The following SPRY3 variants were observed in gnomAD, a reference collection of about 807,000 sequenced individuals.
SPRY3 encodes the protein protein sprouty homolog 3.
A neutral mutation model predicts 20.2 loss-of-function variants in SPRY3; 15 were observed. The ratio of observed to expected loss-of-function variants is 0.74; its 90% CI spans 0.50 to 1.14. The LOEUF is 1.14. Among genes scored for constraint, SPRY3 ranks in the 50% most tolerant of loss-of-function variants. SPRY3 has a pLI of 0.00. For synonymous variants in SPRY3, 143 were observed against 136.5 expected (o/e 1.05, Z -0.33); for missense variants, 364 against 363.9 (o/e 1.00, Z 0.00).
chrX:155,631,827 C>T (rs1386862768), intron 1 of SPRY3, among the ~76,000 whole-genome samples: 3 of 110,373 alleles, frequency 2.7e-5, no homozygotes, highest in Admixed American at 9.7e-5. Context: ...TTATGGGGTA[C>T]GTGAGATATC....
At chrX:155,692,395 AT>A (rs2124575306) in intron 2 of SPRY3, among the ~76,000 whole-genome samples, 2 of 111,534 alleles carry the variant, frequency 1.8e-5, no homozygotes, top group African/African-American at 6.5e-5. Context: ...AGTGACCTAT[AT>A]GTCTATGCTT....
chrX:155,663,559 A>T (rs1412897209), intron 2 of SPRY3, among the ~76,000 whole-genome samples: 1 of 111,732 alleles, frequency 8.9e-6, no homozygotes, highest in Non-Finnish European at 1.9e-5. Context: ...AACAATAGAC[A>T]GTTTCTTTAA....
intron 2 of SPRY3, among the ~76,000 whole-genome samples, chrX:155,746,487 A>C (rs2091227197): frequency 6.6e-6 from 1 of 151,994 alleles, no homozygotes; most frequent in East Asian, 1.9e-4. Flanking sequence ...CCCTCAATTA[A>C]ATTTTCTATT....
intron 3 of SPRY3, among the ~76,000 whole-genome samples, chrX:155,771,553 C>CTA (rs2091381640): frequency 6.6e-6 from 1 of 152,170 alleles, no homozygotes; most frequent in Non-Finnish European, 1.5e-5. Flanking sequence ...TTGCAGGGCT[C>CTA]CACATATTCT....
intron 2 of SPRY3, among the ~76,000 whole-genome samples, chrX:155,732,211 T>C (rs1265247662): frequency 6.6e-6 from 1 of 152,094 alleles, no homozygotes; most frequent in Non-Finnish European, 1.5e-5. Context: ...ACAGTTTTTA[T>C]ATTTTATTTT....
intron 2 of SPRY3, among the ~76,000 whole-genome samples, chrX:155,735,535 G>A (rs2091162553): frequency 6.6e-6 from 1 of 151,940 alleles, no homozygotes; most frequent in Non-Finnish European, 1.5e-5. Flanking sequence ...TTTCTTCTTA[G>A]AGAATTGACC....
intron 1 of SPRY3, among the ~76,000 whole-genome samples, chrX:155,622,021 AGGGCCACCTC>A (rs2067872906): frequency 9.4e-6 from 1 of 106,588 alleles, no homozygotes; most frequent in African/African-American, 3.4e-5. Flanking sequence ...TCTGGAGTAT[AGGGCCACCTC>A]CTGTACAGGC....
chrX:155,733,821 T>TG (rs1356244117), intron 2 of SPRY3, among the ~76,000 whole-genome samples: 2 of 152,270 alleles, frequency 1.3e-5, no homozygotes, highest in East Asian at 3.9e-4. Flanking sequence ...CATCAGCACT[T>TG]GCTGCTTCAC....
chrX:155,718,984 G>C (rs1035334993), intron 2 of SPRY3, among the ~76,000 whole-genome samples: 5 of 152,172 alleles, frequency 3.3e-5, no homozygotes, highest in South Asian at 4.2e-4. Context: ...CACAGAAAAA[G>C]CACCTTCATA....
intron 2 of SPRY3, among the ~76,000 whole-genome samples, chrX:155,764,755 T>C (rs954299951): frequency 2.6e-4 from 39 of 152,136 alleles, no homozygotes; most frequent in African/African-American, 8.0e-4. Flanking sequence ...TCTAAACTGG[T>C]CTTTTGAAGA....
chrX:155,749,504 C>G (rs370386100), intron 2 of SPRY3, among the ~76,000 whole-genome samples: 25 of 151,682 alleles, frequency 1.6e-4, no homozygotes, highest in African/African-American at 5.8e-4. Context: ...TGAGGTGAAT[C>G]AAGAGCAAGA....
chrX:155,758,579 G>T lies in SPRY3; in HGVS notation c.-281-9383G>T, dbSNP rs144384102. Among the ~76,000 whole-genome samples, 294 of 152,294 alleles carry T rather than the reference G, an allele frequency of 1.9e-3. 1 individual carries two copies. Among genetic ancestry groups the T allele is most frequent in the African/African-American group, 6.7e-3 (280 of 41,570 alleles). ...GCTTTTTATCTGGCACTTCTAAAGAGCTCCTGCTGACTTCAATAGAATATG... is the reference window on the plus strand; with the variant it reads ...GCTTTTTATCTGGCACTTCTAAAGATCTCCTGCTGACTTCAATAGAATATG... On this transcript the variant is annotated intron_variant, in intron 2 of 3. Coordinates refer to ENST00000675360, the Ensembl canonical transcript of SPRY3.
At position 155,759,564 on chromosome X, in the gene SPRY3, T is replaced by G. The variant is rs747031152; in HGVS notation, c.-281-8398T>G. ...ATCTATATTAATAACATGTAACAAA[T>G]TCATTTATTATTGTATCTTAATTTA... On this transcript the variant is annotated intron_variant, in intron 2 of 3. Coordinates refer to ENST00000675360, the Ensembl canonical transcript of SPRY3. 2.1e-4 allele frequency among the ~76,000 whole-genome samples: 32 copies of G among 152,108 alleles called. No individual in the cohort carries two copies. In the South Asian group the frequency reaches 6.5e-3, roughly 31 times the overall value.
At chrX:155,724,509 T>C (rs1209269372) in intron 2 of SPRY3, among the ~76,000 whole-genome samples, 1 of 152,106 alleles carries the variant, frequency 6.6e-6, no homozygotes, top group Non-Finnish European at 1.5e-5. Flanking sequence ...ACATCCCTTG[T>C]AAGTTGGATT....
At chrX:155,655,641 G>C (rs1325341867) in intron 1 of SPRY3, among the ~76,000 whole-genome samples, 1 of 111,280 alleles carries the variant, frequency 9.0e-6, no homozygotes, top group African/African-American at 3.3e-5. Context: ...ATTTTTGTTG[G>C]TTGTGGATAC....
chrX:155,747,806 CA>C (rs2091236316), intron 2 of SPRY3, among the ~76,000 whole-genome samples: 6 of 151,900 alleles, frequency 3.9e-5, no homozygotes, highest in Admixed American at 3.9e-4. Context: ...CACTCTAGAG[CA>C]GTGCTTCTCA....
chrX:155,724,214 A>G (rs1343731625), intron 2 of SPRY3, among the ~76,000 whole-genome samples: 1 of 152,156 alleles, frequency 6.6e-6, no homozygotes, highest in Non-Finnish European at 1.5e-5. Context: ...GAAATCAGGT[A>G]GCGTGATGCC....
intron 2 of SPRY3, among the ~76,000 whole-genome samples, chrX:155,727,234 C>A: frequency 6.6e-6 from 1 of 152,260 alleles, no homozygotes; most frequent in East Asian, 1.9e-4. Flanking sequence ...CTGCCCTTAA[C>A]ATTTTTTCTT....
intron 2 of SPRY3, among the ~76,000 whole-genome samples, chrX:155,672,507 A>G (rs2068044223): frequency 8.9e-6 from 1 of 111,866 alleles, no homozygotes; most frequent in Admixed American, 9.4e-5. Context: ...AATCAAAACC[A>G]CAATGAGATA....
Sources: gnomAD v4.1 joint callset for allele counts (sites outside exome capture counted in the v4.1 genomes callset) on GRCh38, gnomAD v4.1.1 for gene constraint, MANE v1.5 for transcripts, NCBI Gene and HGNC (gene_info 2026-07-23, HGNC 2026-07-21) for gene names.